The following SLIT3 variants were observed in gnomAD, a reference collection of about 807,000 sequenced individuals.
SLIT3 encodes the protein slit homolog 3 protein.
SLIT3 carries 68 observed loss-of-function variants against 184.0 expected under a neutral mutation model. That is an observed-to-expected ratio of 0.37 (90% CI 0.30 to 0.45). SLIT3 has a LOEUF of 0.45. Ranked by LOEUF, SLIT3 falls within the 20% of genes least tolerant of loss-of-function variation. SLIT3 has a pLI of 1.00. For missense variants in SLIT3, 1,707 were observed against 2,026.0 expected (o/e 0.84, Z 3.02); for synonymous variants, 831 against 828.6 (o/e 1.00, Z -0.05).
At chr5:169,193,065 C>A (rs941975715) in intron 4 of SLIT3, among the ~76,000 whole-genome samples, 1 of 152,230 alleles carries the variant, frequency 6.6e-6, no homozygotes. Context: ...GCTGCTTCAA[C>A]CAGCAAGGTG....
Position 169,300,417 on chromosome 5 carries a change from C to CAGGGAGGCCG in SLIT3, c.197+86_197+95dup. ...AAGGGATGAGAATAGAGACTGCATC[C>CAGGGAGGCCG]AGGGAGGCCGAGGGGAAAGGACGGA... On this transcript the variant is annotated intron_variant, in intron 1 of 35. Coordinates refer to ENST00000519560, the MANE Select transcript of SLIT3 (RefSeq NM_003062.4). The surrounding 1 kb of genome is among the most constrained non-coding windows in gnomAD (Gnocchi z 4.1). The CAGGGAGGCCG allele has an allele frequency of 1.5e-6, 2 of 1,352,548 alleles. No homozygotes were observed. Among genetic ancestry groups the CAGGGAGGCCG allele is most frequent in the African/African-American group, 3.1e-5 (2 of 65,162 alleles). 83.8% of individuals were successfully genotyped at this position (1,352,548 alleles called of 1,614,324 possible). A position where few individuals can be genotyped will look rare whatever the true frequency, so the allele number is the denominator to read the frequency against.
At chr5:168,729,699 T>C (rs1358995353) in intron 20 of SLIT3, among the ~76,000 whole-genome samples, 1 of 151,646 alleles carries the variant, frequency 6.6e-6, no homozygotes, top group African/African-American at 2.4e-5. Context: ...ATCATGAAAA[T>C]ATAAAACTCA....
intron 4 of SLIT3, among the ~76,000 whole-genome samples, chr5:169,159,692 C>T (rs1042967318): frequency 1.7e-4 from 26 of 152,106 alleles, no homozygotes; most frequent in African/African-American, 4.8e-4. Flanking sequence ...AGAAGAATGG[C>T]GTGAACCTGG....
chr5:169,040,950 T>C (rs1186373614), intron 4 of SLIT3, among the ~76,000 whole-genome samples: 1 of 152,170 alleles, frequency 6.6e-6, no homozygotes, highest in East Asian at 1.9e-4. Flanking sequence ...ACTGATAAAC[T>C]CTGAAGAAGG....
chr5:169,212,092 G>A (rs1259761938), intron 3 of SLIT3, among the ~76,000 whole-genome samples: 2 of 152,170 alleles, frequency 1.3e-5, no homozygotes, highest in African/African-American at 2.4e-5. Flanking sequence ...ACATGTGCAT[G>A]TGTCTTTATA....
rs10475527 is a variant in SLIT3 at position 168,950,091 on chromosome 5, C to T, written c.414-66755G>A. 6.5e-3 allele frequency among the ~76,000 whole-genome samples: 886 copies of T among 136,140 alleles called. 14 individuals are homozygous for T. The highest frequency in any genetic ancestry group is 0.023 in the African/African-American group (853 of 37,368). 89.3% of individuals were successfully genotyped at this position (136,140 alleles called of 152,430 possible). A position where few individuals can be genotyped will look rare whatever the true frequency, so the allele number is the denominator to read the frequency against. ...CCAAATTCATCTGTAGAGGCCTAAT[C>T]ACTAATGTGATGCTATTTAGAGGTG... On this transcript the variant is annotated intron_variant, in intron 4 of 35. Transcript: ENST00000519560.
At chr5:169,011,667 C>T (rs1172061238) in intron 4 of SLIT3, among the ~76,000 whole-genome samples, 1 of 152,150 alleles carries the variant, frequency 6.6e-6, no homozygotes, top group African/African-American at 2.4e-5. Flanking sequence ...CAGGGTTTTA[C>T]ACATCCTAAA....
At position 168,772,523 on chromosome 5, in the gene SLIT3, C is replaced by G; in HGVS notation, c.1459+258G>C. On this transcript the variant is annotated intron_variant, in intron 14 of 35. Transcript: ENST00000519560. ...TTAGCTCTTGGAGACACGCTGCTGC[C>G]TGGGTCCTGTCTCCCCTGCAACCGT... The G allele has an allele frequency of 7.9e-6, 4 of 504,880 alleles. No homozygotes were observed. The South Asian group carries it at 9.6e-5, about 12-fold the overall frequency. The allele number at this position is 504,880 out of a possible 1,614,324, so 31.3% of individuals were successfully genotyped here. A position where few individuals can be genotyped will look rare whatever the true frequency, so the allele number is the denominator to read the frequency against.
At chr5:169,217,975 C>T (rs564152908) in intron 3 of SLIT3, among the ~76,000 whole-genome samples, 18 of 152,284 alleles carry the variant, frequency 1.2e-4, no homozygotes, top group African/African-American at 1.7e-4. Flanking sequence ...TCACAGAAAG[C>T]GAGACCTTTT....
At chr5:168,868,546 G>C (rs894023760) in intron 5 of SLIT3, among the ~76,000 whole-genome samples, 2 of 150,892 alleles carry the variant, frequency 1.3e-5, no homozygotes, top group Non-Finnish European at 3.0e-5. Context: ...TCAAGAGTTT[G>C]AGAACAGCCT....
chr5:169,261,726 C>T (rs1473401064), intron 1 of SLIT3, among the ~76,000 whole-genome samples: 4 of 152,004 alleles, frequency 2.6e-5, no homozygotes, highest in Admixed American at 2.0e-4. Flanking sequence ...TAAGGTGGTC[C>T]CCAGTATCAA....
chr5:168,807,667 A>G (rs537428078), intron 8 of SLIT3, among the ~76,000 whole-genome samples: 1 of 152,300 alleles, frequency 6.6e-6, no homozygotes, highest in Admixed American at 6.5e-5. Context: ...AGATTGCCTC[A>G]CTGCTTGGAC....
chr5:169,088,545 C>A (rs1289712651), intron 4 of SLIT3, among the ~76,000 whole-genome samples: 1 of 152,078 alleles, frequency 6.6e-6, no homozygotes, highest in Non-Finnish European at 1.5e-5. Context: ...TACAACTAGT[C>A]CAGGAGTGAG....
At chr5:169,122,801 G>C (rs1760932547) in intron 4 of SLIT3, among the ~76,000 whole-genome samples, 1 of 152,026 alleles carries the variant, frequency 6.6e-6, no homozygotes, top group Admixed American at 6.6e-5. Flanking sequence ...TTCTCTCCCA[G>C]CCCATCCCCA....
chr5:168,832,529 T>C (rs1215573821), intron 6 of SLIT3, among the ~76,000 whole-genome samples: 1 of 152,228 alleles, frequency 6.6e-6, no homozygotes, highest in Admixed American at 6.5e-5. Context: ...CATCTTTTGA[T>C]ACAAATAAAT....
chr5:168,965,163 T>C (rs961330158), intron 4 of SLIT3, among the ~76,000 whole-genome samples: 2 of 152,324 alleles, frequency 1.3e-5, no homozygotes. Flanking sequence ...AGGGTAGAAA[T>C]GATCTCCTTC....
At chr5:169,140,747 C>G (rs1490524765) in intron 4 of SLIT3, among the ~76,000 whole-genome samples, 3 of 152,112 alleles carry the variant, frequency 2.0e-5, no homozygotes, top group African/African-American at 7.2e-5. Flanking sequence ...CTGCAGTGAG[C>G]CATGATCACG....
intron 3 of SLIT3, among the ~76,000 whole-genome samples, chr5:169,215,803 G>C (rs534553586): frequency 6.7e-4 from 102 of 152,296 alleles, no homozygotes; most frequent in Middle Eastern, 3.4e-3. Context: ...AACCTTGTTT[G>C]AAAAACTTCT....
intron 4 of SLIT3, among the ~76,000 whole-genome samples, chr5:168,915,071 C>T (rs1761389511): frequency 1.3e-5 from 2 of 152,120 alleles, no homozygotes; most frequent in South Asian, 4.1e-4. Flanking sequence ...GTAGCTTTTA[C>T]CAATTCTTTA....
Sources: gnomAD v4.1 joint callset for allele counts (sites outside exome capture counted in the v4.1 genomes callset) on GRCh38, gnomAD v4.1.1 for gene constraint, Gnocchi (gnomAD v3.1) non-coding constraint, MANE v1.5 for transcripts, NCBI Gene and HGNC (gene_info 2026-07-23, HGNC 2026-07-21) for gene names.